Variants in CEP70 observed in about 807,000 individuals in gnomAD.
CEP70 encodes the protein centrosomal protein of 70 kDa.
A neutral mutation model predicts 90.9 loss-of-function variants in CEP70; 70 were observed. That is an observed-to-expected ratio of 0.77 (90% CI 0.64 to 0.94). The LOEUF is 0.94. Among genes scored for constraint, CEP70 ranks in the 40% least tolerant of loss-of-function variants. The pLI is 0.00. For synonymous variants in CEP70, 220 were observed against 228.3 expected (o/e 0.96, Z 0.33); for missense variants, 648 against 669.0 (o/e 0.97, Z 0.35).
At chr3:138,566,247 C>G (rs964970105) in intron 6 of CEP70, among the ~76,000 whole-genome samples, 3 of 152,068 alleles carry the variant, frequency 2.0e-5, no homozygotes, top group Non-Finnish European at 4.4e-5. Context: ...ATTAGTTCAA[C>G]CATTGTGGAA....
chr3:138,536,953 G>T, intron 7 of CEP70: 1 of 305,486 alleles, frequency 3.3e-6, no homozygotes, highest in East Asian at 5.0e-5. Flanking sequence ...AAAGTTTAGT[G>T]TTATTTTTAG....
At chr3:138,580,554 G>C (rs954569297) in intron 2 of CEP70, among the ~76,000 whole-genome samples, 1 of 152,048 alleles carries the variant, frequency 6.6e-6, no homozygotes, top group African/African-American at 2.4e-5. Context: ...AGAAGGATGG[G>C]TACAAACAAG....
Position 138,572,886 on chromosome 3 carries a change from T to C in CEP70, c.42A>G (p.Pro14=), listed in dbSNP as rs765219506. 19 of 1,609,800 alleles carry C rather than the reference T, an allele frequency of 1.2e-5. No homozygotes were observed. The highest frequency in any genetic ancestry group is 1.6e-5 in the Non-Finnish European group (19 of 1,176,554). ...VAPKPQDSSQ[P]SDRLMTEKQQ... is the part of the protein sequence containing the mutation. Reference sequence around the variant, plus strand: ...GTTTTTCAGTCATGAGTCTGTCTGATGGTTGACTGGAATCCTGGGGTTTAG... The same window carrying C: ...GTTTTTCAGTCATGAGTCTGTCTGACGGTTGACTGGAATCCTGGGGTTTAG... The change falls in exon 3 of 18, where the codon CCA becomes CCG. Residue 14 remains proline (P), a synonymous_variant. Transcript: ENST00000264982.
intron 11 of CEP70, among the ~76,000 whole-genome samples, chr3:138,516,044 T>A (rs990556961): frequency 6.6e-6 from 1 of 152,232 alleles, no homozygotes; most frequent in Non-Finnish European, 1.5e-5. Flanking sequence ...CCTCCACTAC[T>A]GCCACCTTTG....
intron 3 of CEP70, among the ~76,000 whole-genome samples, chr3:138,572,300 T>C (rs1376336237): frequency 6.6e-6 from 1 of 152,198 alleles, no homozygotes; most frequent in Non-Finnish European, 1.5e-5. Flanking sequence ...TCCTTTTTTT[T>C]ACATCTCCTC....
chr3:138,553,182 C>CAA (rs973535374), intron 6 of CEP70, among the ~76,000 whole-genome samples: 1 of 145,528 alleles, frequency 6.9e-6, no homozygotes, highest in Non-Finnish European at 1.5e-5. Flanking sequence ...ATACTGCCTT[C>CAA]AAAAAAAAAA....
At chr3:138,569,603 C>T (rs906340615) in intron 6 of CEP70, among the ~76,000 whole-genome samples, 1 of 152,148 alleles carries the variant, frequency 6.6e-6, no homozygotes, top group East Asian at 1.9e-4. Flanking sequence ...TGCAGTGCCC[C>T]ACACCTGTAA....
intron 2 of CEP70, among the ~76,000 whole-genome samples, chr3:138,584,585 T>A (rs1334691670): frequency 6.6e-6 from 1 of 151,456 alleles, no homozygotes; most frequent in Non-Finnish European, 1.5e-5. Context: ...ATTAAAAAGA[T>A]CATTCATCAT....
At chr3:138,553,487 CA>C (rs34567909) in intron 6 of CEP70, among the ~76,000 whole-genome samples, 164 of 132,916 alleles carry the variant, frequency 1.2e-3, no homozygotes, top group Non-Finnish European at 1.2e-3. Flanking sequence ...CTCAAAAAGA[CA>C]AAAAAAAAAA....
intron 2 of CEP70, among the ~76,000 whole-genome samples, chr3:138,590,907 G>A (rs1026924819): frequency 6.6e-6 from 1 of 152,102 alleles, no homozygotes; most frequent in Non-Finnish European, 1.5e-5. Context: ...AGTTTTGACT[G>A]GGATAGGGTA....
intron 11 of CEP70, 46 bp downstream of exon 11, chr3:138,525,444 T>TA (rs780083039): frequency 2.8e-6 from 2 of 703,750 alleles, no homozygotes; most frequent in Admixed American, 2.9e-5. Context: ...ATAAATAAAA[T>TA]AAAAAATCCT....
At chr3:138,555,518 G>A (rs530757779) in intron 6 of CEP70, among the ~76,000 whole-genome samples, 7 of 152,028 alleles carry the variant, frequency 4.6e-5, no homozygotes, top group African/African-American at 9.7e-5. Flanking sequence ...CTATACATCC[G>A]ACAAAGGACT....
chr3:138,524,784 G>A (rs1361800200), intron 11 of CEP70, among the ~76,000 whole-genome samples: 1 of 152,142 alleles, frequency 6.6e-6, no homozygotes, highest in East Asian at 1.9e-4. Flanking sequence ...GAGAGGATGT[G>A]GAGAAATAGG....
chr3:138,588,597 G>A (rs1179174447), intron 2 of CEP70, among the ~76,000 whole-genome samples: 1 of 152,206 alleles, frequency 6.6e-6, no homozygotes, highest in Non-Finnish European at 1.5e-5. Context: ...TGTTTTCGAG[G>A]ATGTGAGGGA....
intron 6 of CEP70, among the ~76,000 whole-genome samples, chr3:138,550,081 C>A (rs935319014): frequency 6.6e-6 from 1 of 152,176 alleles, no homozygotes; most frequent in Non-Finnish European, 1.5e-5. Flanking sequence ...GAGCCCCAGA[C>A]CTTCCCACTG....
intron 8 of CEP70, among the ~76,000 whole-genome samples, chr3:138,532,073 TAA>T (rs1383071282): frequency 2.0e-5 from 3 of 152,312 alleles, no homozygotes; most frequent in Admixed American, 2.0e-4. Flanking sequence ...AATCAGGTGA[TAA>T]GTGTGTTTTA....
intron 6 of CEP70, among the ~76,000 whole-genome samples, chr3:138,558,369 A>T (rs989638013): frequency 6.6e-6 from 1 of 152,290 alleles, no homozygotes. Flanking sequence ...CGTCTCAAAA[A>T]AGAAAAGAAA....
intron 6 of CEP70, among the ~76,000 whole-genome samples, chr3:138,556,933 A>AG (rs1406209887): frequency 6.6e-6 from 1 of 152,192 alleles, no homozygotes; most frequent in South Asian, 2.1e-4. Context: ...TTCAGAAGAC[A>AG]GGGTTTGAGA....
intron 13 of CEP70, 95 bp downstream of exon 13, chr3:138,505,200 C>G (rs1245997288): frequency 2.0e-6 from 2 of 988,606 alleles, no homozygotes; most frequent in African/African-American, 1.7e-5. Context: ...AAAAATTAAA[C>G]CCTATTTAAT....
Sources: allele counts gnomAD v4.1 joint callset (sites outside exome capture counted in the v4.1 genomes callset), GRCh38; gene constraint gnomAD v4.1.1; transcripts MANE v1.5; gene names NCBI Gene and HGNC (gene_info 2026-07-23, HGNC 2026-07-21).